Variants in TCF4 observed in about 807,000 individuals in gnomAD.
TCF4 encodes the protein SL3-3 enhancer factor 2.
A neutral mutation model predicts 82.1 loss-of-function variants in TCF4; 3 were observed. The ratio of observed to expected loss-of-function variants is 0.04; its 90% CI spans 0.02 to 0.09. The LOEUF is 0.09. TCF4 is among the 10% of genes least tolerant of loss of function. The pLI, the probability that TCF4 is intolerant of heterozygous loss-of-function variation, is 1.00. For missense variants in TCF4, 518 were observed against 852.7 expected (o/e 0.61, Z 4.89); for synonymous variants, 276 against 309.6 (o/e 0.89, Z 1.14).
chr18:55,406,034 T>C (rs1022965509), intron 5 of TCF4, among the ~76,000 whole-genome samples: 2 of 151,964 alleles, frequency 1.3e-5, no homozygotes, highest in Non-Finnish European at 2.9e-5. Flanking sequence ...TTTGAGTGTT[T>C]CCATGACATC....
intron 3 of TCF4, among the ~76,000 whole-genome samples, chr18:55,467,909 T>C (rs755029437): frequency 7.9e-5 from 12 of 152,208 alleles, no homozygotes; most frequent in Non-Finnish European, 1.8e-4. Flanking sequence ...TCTGGTTTTA[T>C]ATATCTGAAC....
chr18:55,471,020 T>C (rs1415492684), intron 3 of TCF4, among the ~76,000 whole-genome samples: 4 of 152,162 alleles, frequency 2.6e-5, no homozygotes, highest in Non-Finnish European at 4.4e-5. Context: ...GGAAGAACCC[T>C]TGGCTGAGCC....
chr18:55,443,176 G>C (rs2095470733), intron 5 of TCF4, among the ~76,000 whole-genome samples: 1 of 152,158 alleles, frequency 6.6e-6, no homozygotes, highest in Non-Finnish European at 1.5e-5. Flanking sequence ...CAGGTTGTTG[G>C]ATACTAATCT....
In TCF4 at chr18:55,228,097, T is replaced by TA. The variant is rs200718577; in HGVS notation, c.*5-68dup. The TA allele has an allele frequency of 4.5e-4, 578 of 1,274,714 alleles. 2 individuals are homozygous for TA. Among genetic ancestry groups the TA allele is most frequent in the African/African-American group, 4.3e-3 (286 of 66,534 alleles). The allele number at this position is 1,274,714 out of a possible 1,614,324, so 79.0% of individuals were successfully genotyped here. ...TGTAACAGAAAAAGTATGCTTTTTT[T>TA]AAAAAAAATTCTTTTTCCATGAAAG... On this transcript the variant is annotated intron_variant, in intron 19 of 19. Transcript: ENST00000354452.
At chr18:55,333,797 T>C (rs981083609) in intron 8 of TCF4, among the ~76,000 whole-genome samples, 11 of 152,230 alleles carry the variant, frequency 7.2e-5, no homozygotes, top group African/African-American at 2.7e-4. Flanking sequence ...GTTTATTTTA[T>C]AGTGAATATT....
chr18:55,449,670 C>A (rs536842535), intron 5 of TCF4, among the ~76,000 whole-genome samples: 52 of 152,314 alleles, frequency 3.4e-4, no homozygotes, highest in South Asian at 1.7e-3. Context: ...TTTCGAGACT[C>A]AGAAAGCCAA....
intron 6 of TCF4, among the ~76,000 whole-genome samples, chr18:55,397,744 A>G (rs2093585815): frequency 6.6e-6 from 1 of 152,220 alleles, no homozygotes; most frequent in Non-Finnish European, 1.5e-5. Flanking sequence ...TAATAACAGT[A>G]TGTTAGTTAG....
intron 5 of TCF4, among the ~76,000 whole-genome samples, chr18:55,410,017 T>C (rs1420444652): frequency 6.6e-6 from 1 of 152,208 alleles, no homozygotes; most frequent in Non-Finnish European, 1.5e-5. Context: ...AAAATAAATT[T>C]GTGCTAAAAG....
At chr18:55,410,647 C>T (rs2094306069) in intron 5 of TCF4, among the ~76,000 whole-genome samples, 1 of 151,978 alleles carries the variant, frequency 6.6e-6, no homozygotes, top group South Asian at 2.1e-4. Context: ...GCACACAGAC[C>T]TCCAGTTCCA....
intron 5 of TCF4, among the ~76,000 whole-genome samples, chr18:55,427,897 T>A (rs2095051655): frequency 1.3e-5 from 2 of 152,186 alleles, no homozygotes; most frequent in Non-Finnish European, 2.9e-5. Context: ...AATACTTAAC[T>A]AGGTGTAATT....
chr18:55,270,297 T>G (rs1030262386), intron 10 of TCF4, among the ~76,000 whole-genome samples: 1 of 152,062 alleles, frequency 6.6e-6, no homozygotes, highest in Non-Finnish European at 1.5e-5. Flanking sequence ...CTATTAATTT[T>G]TTTGTGTGGC....
At chr18:55,336,227 T>C (rs1054321577) in intron 8 of TCF4, among the ~76,000 whole-genome samples, 1 of 152,114 alleles carries the variant, frequency 6.6e-6, no homozygotes, top group Non-Finnish European at 1.5e-5. Flanking sequence ...ATATTCAAAA[T>C]GAATTTAAAT....
chr18:55,379,251 AAAG>A (rs1281011307), intron 6 of TCF4, among the ~76,000 whole-genome samples: 2 of 152,222 alleles, frequency 1.3e-5, no homozygotes. Context: ...GAAGGCTGAA[AAAG>A]AAGCAAAACA....
intron 2 of TCF4, among the ~76,000 whole-genome samples, chr18:55,595,612 G>A (rs948340151): frequency 6.6e-6 from 1 of 152,086 alleles, no homozygotes; most frequent in Non-Finnish European, 1.5e-5. Flanking sequence ...GCTTTTAGAT[G>A]GTTTGGGAGT....
At chr18:55,275,545 A>T in intron 10 of TCF4, 74 bp downstream of exon 10, 2 of 1,597,636 alleles carry the variant, frequency 1.3e-6, no homozygotes, top group Non-Finnish European at 1.7e-6. Flanking sequence ...CCTTGTGTAT[A>T]TGCATGGAAA....
chr18:55,545,549 A>G (rs1353196142), intron 3 of TCF4, among the ~76,000 whole-genome samples: 2 of 152,098 alleles, frequency 1.3e-5, no homozygotes, highest in Non-Finnish European at 2.9e-5. Context: ...CCCGGGTTCA[A>G]GCAATTCTCC....
intron 5 of TCF4, among the ~76,000 whole-genome samples, chr18:55,405,085 A>T (rs189261365): frequency 1.9e-4 from 29 of 152,356 alleles, no homozygotes. Flanking sequence ...TGAAGAAAAG[A>T]TAAATTTATA....
At chr18:55,562,315 T>TA (rs1187353759) in intron 3 of TCF4, among the ~76,000 whole-genome samples, 1 of 152,202 alleles carries the variant, frequency 6.6e-6, no homozygotes, top group African/African-American at 2.4e-5. Flanking sequence ...TTTTCATTTT[T>TA]AAAAAATGTC....
At chr18:55,593,924 G>T (rs1470971924) in intron 2 of TCF4, among the ~76,000 whole-genome samples, 1 of 152,212 alleles carries the variant, frequency 6.6e-6, no homozygotes, top group Non-Finnish European at 1.5e-5. Context: ...TGGCAAATGT[G>T]TAGAAAGGGA....
Sources: allele counts gnomAD v4.1 joint callset (sites outside exome capture counted in the v4.1 genomes callset), GRCh38; gene constraint gnomAD v4.1.1; transcripts MANE v1.5; gene names NCBI Gene and HGNC (gene_info 2026-07-23, HGNC 2026-07-21).